The following LRRC69 variants were observed in gnomAD, a reference collection of about 807,000 sequenced individuals.
LRRC69 encodes leucine rich repeat containing 69.
A neutral mutation model predicts 37.8 loss-of-function variants in LRRC69; 42 were observed. The ratio of observed to expected loss-of-function variants is 1.11; its 90% CI spans 0.87 to 1.44. LRRC69 has a LOEUF of 1.44. LRRC69 is among the 40% of genes most tolerant of loss of function. The probability of loss-of-function intolerance (pLI) is 0.00; values close to 1 mark genes in which losing one functional copy is unlikely to be tolerated. For missense variants in LRRC69, 357 were observed against 401.9 expected (o/e 0.89, Z 0.96); for synonymous variants, 141 against 143.1 (o/e 0.99, Z 0.11).
intron 5 of LRRC69, among the ~76,000 whole-genome samples, chr8:91,164,757 G>T (rs936226424): frequency 6.6e-6 from 1 of 151,506 alleles, no homozygotes; most frequent in African/African-American, 2.4e-5. Flanking sequence ...AAAGATTAAG[G>T]TACTTTTCTC....
chr8:91,134,502 A>C (rs1167770092), intron 4 of LRRC69, among the ~76,000 whole-genome samples: 1 of 151,636 alleles, frequency 6.6e-6, no homozygotes, highest in Non-Finnish European at 1.5e-5. Flanking sequence ...TTTTTCATCA[A>C]GTCACTAACT....
intron 5 of LRRC69, among the ~76,000 whole-genome samples, chr8:91,174,957 G>C (rs1011439257): frequency 6.6e-6 from 1 of 152,020 alleles, no homozygotes; most frequent in Non-Finnish European, 1.5e-5. Context: ...TGAGAGAAGA[G>C]AGAAGTAGAG....
intron 1 of LRRC69, among the ~76,000 whole-genome samples, chr8:91,118,729 A>G (rs1379332045): frequency 1.3e-5 from 2 of 152,082 alleles, no homozygotes; most frequent in Non-Finnish European, 2.9e-5. Flanking sequence ...CAAGCTTTAA[A>G]GCTTATCAAA....
intron 5 of LRRC69, among the ~76,000 whole-genome samples, chr8:91,152,253 T>G (rs191966839): frequency 6.6e-6 from 1 of 151,784 alleles, no homozygotes; most frequent in South Asian, 2.1e-4. Flanking sequence ...TTCTAGGGTT[T>G]TTATGGTTTT....
intron 1 of LRRC69, among the ~76,000 whole-genome samples, chr8:91,122,424 A>C (rs1247951286): frequency 6.6e-6 from 1 of 152,112 alleles, no homozygotes; most frequent in East Asian, 1.9e-4. Flanking sequence ...CCCATCAAAA[A>C]AAACTCATTG....
intron 6 of LRRC69, among the ~76,000 whole-genome samples, chr8:91,199,918 T>C (rs1356225533): frequency 2.0e-5 from 3 of 152,202 alleles, no homozygotes; most frequent in African/African-American, 7.2e-5. Context: ...TTTAGTATTT[T>C]ATTATTATTA....
At chr8:91,196,375 A>C (rs1399239547) in intron 6 of LRRC69, among the ~76,000 whole-genome samples, 1 of 151,608 alleles carries the variant, frequency 6.6e-6, no homozygotes, top group Non-Finnish European at 1.5e-5. Context: ...GTATTTCCTG[A>C]ATCTGAACGT....
rs1466708212 is a variant in LRRC69 at position 91,195,431 on chromosome 8, G to A, written c.754-5182G>A. On this transcript the variant is annotated intron_variant, in intron 6 of 7. Transcript: ENST00000448384. The stretch of plus-strand genomic sequence containing the variant: ...TTTCTGTCTTGTTGATCTGTCTAAT[G>A]TTGACAGTGGGGTGTTAAAGTCTCC... Among the ~76,000 whole-genome samples the A allele has an allele frequency of 5.3e-5, 8 of 151,942 alleles. No individual in the cohort carries two copies. In the East Asian group the frequency reaches 1.4e-3, roughly 26 times the overall value.
chr8:91,194,782 T>C (rs1337236903), intron 6 of LRRC69, among the ~76,000 whole-genome samples: 1 of 152,176 alleles, frequency 6.6e-6, no homozygotes, highest in African/African-American at 2.4e-5. Context: ...TGTTGATCCT[T>C]TCAAAAAACC....
intron 6 of LRRC69, among the ~76,000 whole-genome samples, chr8:91,192,037 T>C (rs1809506463): frequency 8.0e-6 from 1 of 125,722 alleles, no homozygotes; most frequent in East Asian, 2.4e-4. Flanking sequence ...GATATTCCCC[T>C]TCCTGTGTCC....
At chr8:91,172,592 C>T (rs976691694) in intron 5 of LRRC69, among the ~76,000 whole-genome samples, 2 of 151,800 alleles carry the variant, frequency 1.3e-5, no homozygotes, top group South Asian at 2.1e-4. Context: ...CTCAGCTCAC[C>T]GCAACCTCCA....
Position 91,138,873 on chromosome 8 carries a change from G to A in LRRC69, c.651+3134G>A, listed in dbSNP as rs565259980. On this transcript the variant is annotated intron_variant, in intron 5 of 7. Coordinates refer to ENST00000448384, the Ensembl canonical transcript of LRRC69. ...AGTTCAAGATCAGCCTGGACAACAT[G>A]GTGAAACCCCTATCTCTACAAAACA... 559 of 151,582 alleles carry A rather than the reference G, an allele frequency of 3.7e-3. 1 individual carries two copies. Among genetic ancestry groups the A allele is most frequent in the African/African-American group, 0.013 (526 of 41,412 alleles). The allele number at this position is 151,582 out of a possible 1,614,324, so 9.4% of individuals were successfully genotyped here. A position where few individuals can be genotyped will look rare whatever the true frequency, so the allele number is the denominator to read the frequency against.
At chr8:91,197,775 C>G (rs1236334800) in intron 6 of LRRC69, among the ~76,000 whole-genome samples, 2 of 151,908 alleles carry the variant, frequency 1.3e-5, no homozygotes, top group Non-Finnish European at 2.9e-5. Context: ...CCCGGTACCT[C>G]AGATGGAAAT....
Position 91,176,134 on chromosome 8 carries a change from A to ATATATTTTTTTTTTC in LRRC69, c.652-13387_652-13386insATATTTTTTTTTTCT. Among the ~76,000 whole-genome samples the ATATATTTTTTTTTTC allele has an allele frequency of 1.5e-4, 11 of 75,702 alleles. 1 individual carries two copies. Among genetic ancestry groups the ATATATTTTTTTTTTC allele is most frequent in the African/African-American group, 6.7e-4 (11 of 16,432 alleles). The allele number at this position is 75,702 out of a possible 152,430, so 49.7% of individuals were successfully genotyped here. A position where few individuals can be genotyped will look rare whatever the true frequency, so the allele number is the denominator to read the frequency against. On this transcript the variant is annotated intron_variant, in intron 5 of 7. Transcript: ENST00000448384. ...ATCCCTCATATATATATATATATAT[A>ATATATTTTTTTTTTC]TTTTTTTTTTTTCTTTTTTTTGAGA...
chr8:91,181,375 T>C (rs1334402267), intron 5 of LRRC69, among the ~76,000 whole-genome samples: 1 of 152,150 alleles, frequency 6.6e-6, no homozygotes, highest in East Asian at 1.9e-4. Flanking sequence ...TAAAATTCCA[T>C]CCTTCCTCAT....
intron 1 of LRRC69, among the ~76,000 whole-genome samples, chr8:91,117,793 G>A (rs1813537666): frequency 6.6e-6 from 1 of 151,654 alleles, no homozygotes; most frequent in African/African-American, 2.4e-5. Flanking sequence ...GCCAGAGGGA[G>A]ACCCGTGGTC....
At chr8:91,176,511 C>T (rs1809232890) in intron 5 of LRRC69, among the ~76,000 whole-genome samples, 1 of 152,098 alleles carries the variant, frequency 6.6e-6, no homozygotes, top group South Asian at 2.1e-4. Context: ...GGATATCTCT[C>T]TCTCTTTCTC....
chr8:91,182,010 T>C (rs1809333672), intron 5 of LRRC69, among the ~76,000 whole-genome samples: 2 of 152,298 alleles, frequency 1.3e-5, no homozygotes, highest in South Asian at 4.1e-4. Context: ...GCTTTGATAT[T>C]GACAGGCACA....
chr8:91,133,361 G>A, intron 4 of LRRC69, 56 bp downstream of exon 4: 2 of 1,296,832 alleles, frequency 1.5e-6, no homozygotes, highest in Admixed American at 3.3e-5. Context: ...TCAACATGAT[G>A]GGAGGTGGTT....
Sources: allele counts gnomAD v4.1 joint callset (sites outside exome capture counted in the v4.1 genomes callset), GRCh38; gene constraint gnomAD v4.1.1; transcripts MANE v1.5; gene names NCBI Gene and HGNC (gene_info 2026-07-23, HGNC 2026-07-21).